DOCK1: variants seen among roughly 807,000 people sequenced by gnomAD.
DOCK1 encodes the protein dedicator of cytokinesis protein 1.
Under a neutral mutation model 262.7 loss-of-function variants are expected in DOCK1, and 138 were observed. The observed-to-expected ratio is 0.53, with a 90% CI of 0.46 to 0.61. The LOEUF is 0.61. Ranked by LOEUF, DOCK1 falls within the 20% of genes least tolerant of loss-of-function variation. DOCK1 has a pLI of 0.00. For synonymous variants in DOCK1, 866 were observed against 867.4 expected (o/e 1.00, Z 0.03); for missense variants, 1,908 against 2,370.7 (o/e 0.80, Z 4.05).
rs996442347 is a variant in DOCK1, at chr10:126,930,680, G to T, written c.46+25117G>T. The stretch of plus-strand genomic sequence containing the variant: ...GGCCTGGCCTGGGGTCACTGGCCTC[G>T]TGCACAGGAGTCCAGGCCAAGGCAA... On this transcript the variant is annotated intron_variant, in intron 1 of 51. Coordinates refer to ENST00000623213, the MANE Select transcript of DOCK1 (RefSeq NM_001290223.2). Among the ~76,000 whole-genome samples, 6 of 152,214 alleles carry T rather than the reference G, an allele frequency of 3.9e-5. No homozygotes were observed. In the South Asian group the frequency reaches 6.2e-4, roughly 16 times the overall value.
rs571088151 is a variant in DOCK1, at chr10:127,379,241, A to G, written c.3676-841A>G. The stretch of plus-strand genomic sequence containing the variant: ...TGGAGATGTTCACCTTAAGAAATAT[A>G]ATTTTGATAGAAATGTTATTGCTCA... On this transcript the variant is annotated intron_variant, in intron 35 of 51. Transcript: ENST00000623213. 2.5e-3 allele frequency among the ~76,000 whole-genome samples: 375 copies of G among 152,368 alleles called. 1 individual carries two copies. The highest frequency in any genetic ancestry group is 8.8e-3 in the African/African-American group (364 of 41,582).
At chr10:127,289,540 G>A (rs1483811626) in intron 29 of DOCK1, among the ~76,000 whole-genome samples, 2 of 152,106 alleles carry the variant, frequency 1.3e-5, no homozygotes, top group Non-Finnish European at 2.9e-5. Flanking sequence ...ATACTCAATT[G>A]AATGCCATAA....
chr10:127,249,448 C>A (rs2059550292), intron 28 of DOCK1, among the ~76,000 whole-genome samples: 1 of 151,630 alleles, frequency 6.6e-6, no homozygotes, highest in African/African-American at 2.4e-5. Flanking sequence ...CACACACACA[C>A]ACACACACAC....
At chr10:127,037,227 C>T (rs949002236) in intron 18 of DOCK1, among the ~76,000 whole-genome samples, 15 of 152,158 alleles carry the variant, frequency 9.9e-5, no homozygotes, top group Admixed American at 8.5e-4. Flanking sequence ...TCTCAGTTGT[C>T]CAGAGCTACT....
chr10:127,289,883 T>A (rs1449221021), intron 29 of DOCK1, among the ~76,000 whole-genome samples: 2 of 151,622 alleles, frequency 1.3e-5, no homozygotes, highest in African/African-American at 4.9e-5. Flanking sequence ...TTTTTTTTTT[T>A]ACTTTATTTT....
intron 10 of DOCK1, chr10:127,001,414 C>T (rs1008026043): frequency 1.3e-5 from 2 of 152,190 alleles, no homozygotes; most frequent in African/African-American, 2.4e-5. Context: ...TCAGTATCCA[C>T]CATAGATTGG....
chr10:127,317,440 C>T (rs2062333074), intron 29 of DOCK1, among the ~76,000 whole-genome samples: 1 of 152,308 alleles, frequency 6.6e-6, no homozygotes, highest in South Asian at 2.1e-4. Context: ...AGGTGATTTG[C>T]AGGTGTGCAA....
At chr10:127,122,019 G>A (rs1251846791) in intron 25 of DOCK1, among the ~76,000 whole-genome samples, 1 of 152,188 alleles carries the variant, frequency 6.6e-6, no homozygotes. Context: ...ATATCAGCAA[G>A]GAGGAACAGA....
intron 15 of DOCK1, 137 bp from the exon 16 acceptor site, chr10:127,026,215 A>G: frequency 1.2e-6 from 1 of 832,438 alleles, no homozygotes; most frequent in Non-Finnish European, 1.9e-6. Flanking sequence ...AAAATCATAT[A>G]GGGGACTAGG....
chr10:127,266,256 C>G (rs2060351215), intron 29 of DOCK1, among the ~76,000 whole-genome samples: 1 of 152,192 alleles, frequency 6.6e-6, no homozygotes, highest in African/African-American at 2.4e-5. Context: ...TTGAGAAACT[C>G]TTGGATTATT....
rs751919597 is a variant in DOCK1, at chr10:127,176,333, G to T, written c.2847+48569G>T. ...ATTTCATCTCCAGGGCCAGGCAGGC[G>T]GCGGGTTCCACTTCACTCTCCGACG... On this transcript the variant is annotated intron_variant, in intron 27 of 51. Transcript: ENST00000623213. The surrounding 1 kb of genome is among the most constrained non-coding windows in gnomAD (Gnocchi z 4.4). 3.1e-6 allele frequency: 5 copies of T among 1,613,890 alleles called. No homozygotes were observed. The highest frequency in any genetic ancestry group is 4.2e-6 in the Non-Finnish European group (5 of 1,179,984).
chr10:127,395,492 A>G (rs1052571081), intron 38 of DOCK1, among the ~76,000 whole-genome samples: 2 of 152,224 alleles, frequency 1.3e-5, no homozygotes, highest in African/African-American at 2.4e-5. Context: ...TTTGAGGGAG[A>G]CACAAATATT....
At chr10:126,935,434 T>G (rs2034500082) in intron 1 of DOCK1, among the ~76,000 whole-genome samples, 1 of 152,292 alleles carries the variant, frequency 6.6e-6, no homozygotes, top group Middle Eastern at 3.4e-3. Context: ...GCCTGGGAGA[T>G]GCAGATTGGA....
intron 49 of DOCK1, among the ~76,000 whole-genome samples, chr10:127,439,896 T>G (rs2069977346): frequency 2.0e-5 from 3 of 152,138 alleles, no homozygotes; most frequent in African/African-American, 7.2e-5. Flanking sequence ...GAGCCGGCTC[T>G]CATCCTGGGG....
At chr10:127,126,562 C>T (rs1205429028) in intron 26 of DOCK1, among the ~76,000 whole-genome samples, 1 of 152,132 alleles carries the variant, frequency 6.6e-6, no homozygotes, top group Admixed American at 6.5e-5. Context: ...GAGAGCCTGT[C>T]TCTAGAAAAT....
intron 19 of DOCK1, among the ~76,000 whole-genome samples, chr10:127,038,553 C>G (rs1317461209): frequency 6.6e-6 from 1 of 152,078 alleles, no homozygotes; most frequent in Non-Finnish European, 1.5e-5. Flanking sequence ...TACTAGACTC[C>G]CTGAGATCCC....
intron 29 of DOCK1, among the ~76,000 whole-genome samples, chr10:127,332,156 C>T (rs2063011629): frequency 6.6e-6 from 1 of 152,198 alleles, no homozygotes. Flanking sequence ...GACTGGTAGA[C>T]AAGGGCCCAG....
chr10:127,037,951 G>A (rs1044912253), intron 19 of DOCK1, 135 bp downstream of exon 19: 4 of 712,864 alleles, frequency 5.6e-6, no homozygotes, highest in African/African-American at 1.8e-5. Flanking sequence ...AGTGACATAG[G>A]GATTGGGTGC....
At chr10:127,006,450 G>A (rs200621806) in intron 10 of DOCK1, among the ~76,000 whole-genome samples, 2 of 152,218 alleles carry the variant, frequency 1.3e-5, no homozygotes, top group Non-Finnish European at 2.9e-5. Context: ...TTCCCTGAAT[G>A]TAGAGACCCT....
Sources: allele counts gnomAD v4.1 joint callset (sites outside exome capture counted in the v4.1 genomes callset), GRCh38; gene constraint gnomAD v4.1.1; non-coding constraint Gnocchi (gnomAD v3.1); transcripts MANE v1.5; gene names NCBI Gene and HGNC (gene_info 2026-07-23, HGNC 2026-07-21).